Variants in PVT1 observed in about 807,000 individuals in gnomAD.
PVT1 encodes the protein CXCR4/PVT1 fusion.
chr8:127,869,867 G>T (rs952887018), intron 2 of PVT1, among the ~76,000 whole-genome samples: 2 of 152,156 alleles, frequency 1.3e-5, no homozygotes, highest in African/African-American at 2.4e-5. Flanking sequence ...GCAGTGGCGT[G>T]ATCTCGGCTT....
At chr8:127,812,264 C>A (rs10088204) in intron 2 of PVT1, among the ~76,000 whole-genome samples, 43,631 of 125,786 alleles carry the variant, frequency 0.35, 8,038 homozygotes, top group Non-Finnish European at 0.42. Flanking sequence ...GGCAGGAAGG[C>A]AGGAAGGAAG....
In PVT1 at chr8:128,095,356, T is replaced by C. The variant is rs141182155; in HGVS notation, n.1115-1162T>C. Among the ~76,000 whole-genome samples, 313 of 152,254 alleles carry C rather than the reference T, an allele frequency of 2.1e-3. 2 individuals are homozygous for C. Among genetic ancestry groups the C allele is most frequent in the African/African-American group, 7.1e-3 (297 of 41,546 alleles). The stretch of plus-strand genomic sequence containing the variant: ...AGCTTGAGGGAGCAGGGTTTTGTCT[T>C]TTTCTGCACTGAAGCCCAGCTTCTA... On this transcript the variant is annotated intron_variant and non_coding_transcript_variant, in intron 5 of 10. Transcript: ENST00000651587.
intron 2 of PVT1, among the ~76,000 whole-genome samples, chr8:127,886,215 A>G (rs1164453646): frequency 6.6e-6 from 1 of 152,154 alleles, no homozygotes. Flanking sequence ...AGAAATTAGA[A>G]CCACTGTTTT....
At chr8:127,969,463 A>G (rs1476655018) in intron 3 of PVT1, among the ~76,000 whole-genome samples, 4 of 152,074 alleles carry the variant, frequency 2.6e-5, no homozygotes, top group Admixed American at 1.3e-4. Context: ...TGGCCACCAC[A>G]TATCATGTTC....
chr8:127,836,793 G>A (rs915982639), intron 2 of PVT1, among the ~76,000 whole-genome samples: 1 of 152,174 alleles, frequency 6.6e-6, no homozygotes, highest in African/African-American at 2.4e-5. Flanking sequence ...CAGCGAGCAA[G>A]AAAGCCTAGA....
intron 2 of PVT1, among the ~76,000 whole-genome samples, chr8:127,880,017 G>C (rs544184371): frequency 6.6e-6 from 1 of 152,324 alleles, no homozygotes; most frequent in East Asian, 1.9e-4. Flanking sequence ...CTTGTGTGCT[G>C]ACGTACTGGG....
At chr8:128,083,581 T>C (rs1176746543) in intron 5 of PVT1, among the ~76,000 whole-genome samples, 1 of 152,240 alleles carries the variant, frequency 6.6e-6, no homozygotes, top group Non-Finnish European at 1.5e-5. Flanking sequence ...TACCCAAACT[T>C]GCCCATGCAA....
chr8:128,063,012 G>C (rs899101556), intron 4 of PVT1, among the ~76,000 whole-genome samples: 1 of 152,144 alleles, frequency 6.6e-6, no homozygotes. Flanking sequence ...GGAAGAAAGG[G>C]ACAGATAATG....
intron 4 of PVT1, among the ~76,000 whole-genome samples, chr8:128,015,823 G>A (rs1817367019): frequency 6.6e-6 from 1 of 151,608 alleles, no homozygotes; most frequent in Admixed American, 6.6e-5. Context: ...TCATTAGGTG[G>A]CTTTTCTTCA....
intron 2 of PVT1, among the ~76,000 whole-genome samples, chr8:127,823,867 T>C (rs1814759620): frequency 1.3e-5 from 2 of 152,250 alleles, no homozygotes; most frequent in South Asian, 4.1e-4. Flanking sequence ...TTCAGCTCTC[T>C]CTTTGCCCTC....
chr8:127,856,633 G>A (rs1815163837), intron 2 of PVT1, among the ~76,000 whole-genome samples: 1 of 152,140 alleles, frequency 6.6e-6, no homozygotes, highest in South Asian at 2.1e-4. Context: ...GAGCTACCAC[G>A]CCCAGCCCCA....
intron 3 of PVT1, among the ~76,000 whole-genome samples, chr8:127,925,865 T>A (rs1357368907): frequency 6.6e-6 from 1 of 152,172 alleles, no homozygotes; most frequent in African/African-American, 2.4e-5. Context: ...GCTCTCGAAC[T>A]CCTGACCTCA....
intron 4 of PVT1, among the ~76,000 whole-genome samples, chr8:128,040,875 C>T (rs143776916): frequency 1.3e-4 from 20 of 149,510 alleles, no homozygotes; most frequent in African/African-American, 3.9e-4. Context: ...GTATTGTTTA[C>T]GTGCATGTGT....
intron 4 of PVT1, among the ~76,000 whole-genome samples, chr8:128,002,930 C>A (rs182277034): frequency 6.7e-6 from 1 of 150,000 alleles, no homozygotes; most frequent in East Asian, 2.0e-4. Context: ...TTCCTCCCTC[C>A]CTGTCTCCCT....
chr8:127,999,501 G>A (rs867946104), intron 4 of PVT1, among the ~76,000 whole-genome samples: 10 of 146,096 alleles, frequency 6.8e-5, no homozygotes, highest in East Asian at 6.0e-4. Flanking sequence ...TCACACTTTC[G>A]CCCAAGCTGG....
intron 2 of PVT1, among the ~76,000 whole-genome samples, chr8:127,844,936 A>G (rs1815015014): frequency 6.6e-6 from 1 of 151,894 alleles, no homozygotes; most frequent in African/African-American, 2.4e-5. Context: ...GATGGTCTCG[A>G]TCTCCTGACC....
intron 3 of PVT1, among the ~76,000 whole-genome samples, chr8:127,961,300 T>C (rs1360706313): frequency 6.6e-6 from 1 of 152,174 alleles, no homozygotes; most frequent in Non-Finnish European, 1.5e-5. Flanking sequence ...TGGCCAGTGG[T>C]GACGGGGCCT....
intron 4 of PVT1, among the ~76,000 whole-genome samples, chr8:128,023,104 G>A (rs1211012655): frequency 1.3e-5 from 2 of 152,094 alleles, no homozygotes; most frequent in Non-Finnish European, 2.9e-5. Flanking sequence ...CTGACCTCAG[G>A]TGATCTGCCT....
At chr8:128,015,091 A>T (rs867478416) in intron 4 of PVT1, among the ~76,000 whole-genome samples, 64 of 139,208 alleles carry the variant, frequency 4.6e-4, no homozygotes, top group African/African-American at 1.1e-3. Context: ...TTATTTATTT[A>T]TTATTTATTT....
Sources: gnomAD v4.1 joint callset for allele counts (sites outside exome capture counted in the v4.1 genomes callset) on GRCh38, gnomAD v4.1.1 for gene constraint, MANE v1.5 for transcripts, NCBI Gene and HGNC (gene_info 2026-07-23, HGNC 2026-07-21) for gene names.